CDH12: variants seen among roughly 807,000 people sequenced by gnomAD.
CDH12 encodes the protein cadherin 12, also known as cadherin-12.
In CDH12, 41 loss-of-function variants were observed where a neutral mutation model predicts 74.1. That is an observed-to-expected ratio of 0.55 (90% CI 0.43 to 0.72). CDH12 has a LOEUF of 0.72. Among genes scored for constraint, CDH12 ranks in the 30% least tolerant of loss-of-function variants. CDH12 has a pLI of 0.00. For synonymous variants in CDH12, 399 were observed against 355.0 expected (o/e 1.12, Z -1.39); for missense variants, 945 against 977.2 (o/e 0.97, Z 0.44).
chr5:22,262,197 T>A (rs956411191), intron 3 of CDH12, among the ~76,000 whole-genome samples: 1 of 151,730 alleles, frequency 6.6e-6, no homozygotes, highest in Non-Finnish European at 1.5e-5. Flanking sequence ...ATACATGTGC[T>A]GTACTGGTGC....
chr5:21,958,386 G>A (rs1240562485), intron 6 of CDH12, among the ~76,000 whole-genome samples: 3 of 152,052 alleles, frequency 2.0e-5, no homozygotes, highest in Admixed American at 1.3e-4. Flanking sequence ...AGTACAGGAC[G>A]GTATTGCCTA....
intron 1 of CDH12, among the ~76,000 whole-genome samples, chr5:22,699,591 C>G (rs531717008): frequency 6.6e-6 from 1 of 152,124 alleles, no homozygotes; most frequent in Non-Finnish European, 1.5e-5. Context: ...AGGATCTGGT[C>G]CCAAGAAGGG....
chr5:22,118,709 C>T (rs191302612), intron 4 of CDH12, among the ~76,000 whole-genome samples: 20 of 152,174 alleles, frequency 1.3e-4, no homozygotes, highest in African/African-American at 4.1e-4. Flanking sequence ...TATTGTCTCC[C>T]TCTTTCTCTC....
rs546866041 is a variant in CDH12, at chr5:22,698,265, G to A, written c.-523+154793C>T. On this transcript the variant is annotated intron_variant, in intron 1 of 14. Transcript: ENST00000382254. ...GCCTCCCAAGTAGCTGGGATTACAGGCATGCATCACCACACTTGGCTAATT... is the reference window on the plus strand; with the variant it reads ...GCCTCCCAAGTAGCTGGGATTACAGACATGCATCACCACACTTGGCTAATT... 3.3e-5 allele frequency among the ~76,000 whole-genome samples: 5 copies of A among 150,896 alleles called. No homozygotes were observed. In the Admixed American group the frequency reaches 3.3e-4, roughly 10 times the overall value.
intron 12 of CDH12, among the ~76,000 whole-genome samples, chr5:21,762,548 C>A (rs973953026): frequency 6.6e-6 from 1 of 151,968 alleles, no homozygotes; most frequent in Non-Finnish European, 1.5e-5. Flanking sequence ...TATATTACAT[C>A]CCTGAAAACT....
chr5:22,280,895 C>T (rs1262160412), intron 3 of CDH12, among the ~76,000 whole-genome samples: 1 of 152,218 alleles, frequency 6.6e-6, no homozygotes, highest in East Asian at 1.9e-4. Flanking sequence ...CATCCAGATA[C>T]CAAAGCCTGG....
intron 1 of CDH12, among the ~76,000 whole-genome samples, chr5:22,565,764 T>A (rs1408928621): frequency 6.6e-6 from 1 of 152,214 alleles, no homozygotes; most frequent in South Asian, 2.1e-4. Flanking sequence ...GGAGGGTATT[T>A]CACAGAGTTT....
At chr5:21,768,540 T>A (rs1200579121) in intron 11 of CDH12, among the ~76,000 whole-genome samples, 2 of 151,886 alleles carry the variant, frequency 1.3e-5, no homozygotes, top group Non-Finnish European at 2.9e-5. Flanking sequence ...AAGAACATAG[T>A]TAACAGGTGA....
chr5:21,946,422 C>CT (rs1267234256), intron 6 of CDH12, among the ~76,000 whole-genome samples: 1 of 152,044 alleles, frequency 6.6e-6, no homozygotes, highest in East Asian at 1.9e-4. Flanking sequence ...AGTGACCTAC[C>CT]TGGTTGGATG....
At chr5:22,067,477 G>T (rs1332405475) in intron 5 of CDH12, among the ~76,000 whole-genome samples, 4 of 152,160 alleles carry the variant, frequency 2.6e-5, no homozygotes, top group African/African-American at 9.6e-5. Context: ...CCCATTGACT[G>T]AGTGATGTGA....
intron 6 of CDH12, among the ~76,000 whole-genome samples, chr5:21,960,569 T>C (rs1756311455): frequency 6.6e-6 from 1 of 152,120 alleles, no homozygotes; most frequent in African/African-American, 2.4e-5. Flanking sequence ...GTATCTCTAA[T>C]TTTGGGATTA....
intron 1 of CDH12, among the ~76,000 whole-genome samples, chr5:22,700,225 C>A (rs547887034): frequency 1.6e-4 from 24 of 152,180 alleles, no homozygotes; most frequent in African/African-American, 5.8e-4. Context: ...TAAAACTCTC[C>A]AAGAGATACC....
intron 6 of CDH12, among the ~76,000 whole-genome samples, chr5:21,930,167 G>T (rs1342585914): frequency 6.6e-6 from 1 of 152,180 alleles, no homozygotes; most frequent in Non-Finnish European, 1.5e-5. Flanking sequence ...GCTGGCTTCA[G>T]TGAGCTGTGA....
At chr5:21,803,170 T>C (rs992136708) in intron 9 of CDH12, among the ~76,000 whole-genome samples, 6 of 152,164 alleles carry the variant, frequency 3.9e-5, no homozygotes, top group Non-Finnish European at 5.9e-5. Flanking sequence ...AGCTGTAAAT[T>C]TGGTATTGAA....
intron 1 of CDH12, among the ~76,000 whole-genome samples, chr5:22,743,267 T>G (rs1254372396): frequency 2.9e-5 from 3 of 104,456 alleles, no homozygotes; most frequent in African/African-American, 1.1e-4. Flanking sequence ...AGATTATATA[T>G]ATATATATAT....
At chr5:22,385,313 T>G (rs78379055) in intron 3 of CDH12, among the ~76,000 whole-genome samples, 2 of 152,184 alleles carry the variant, frequency 1.3e-5, no homozygotes, top group Non-Finnish European at 2.9e-5. Context: ...TAGTTATCCA[T>G]ATGATTTTCT....
intron 1 of CDH12, among the ~76,000 whole-genome samples, chr5:22,662,492 A>G (rs1174597348): frequency 6.6e-6 from 1 of 152,146 alleles, no homozygotes; most frequent in African/African-American, 2.4e-5. Flanking sequence ...CACATATGCA[A>G]TGAGTCCCAT....
chr5:22,520,649 A>G (rs142894775), intron 1 of CDH12, among the ~76,000 whole-genome samples: 104 of 152,286 alleles, frequency 6.8e-4, no homozygotes, highest in African/African-American at 2.5e-3. Flanking sequence ...AGCTCAACAC[A>G]TTAAGTCTGT....
At chr5:21,890,826 G>A (rs777678259) in intron 6 of CDH12, among the ~76,000 whole-genome samples, 1 of 152,022 alleles carries the variant, frequency 6.6e-6, no homozygotes, top group African/African-American at 2.4e-5. Context: ...TTTAGGTTGG[G>A]ATAGTAAGTA....
Sources: gnomAD v4.1 joint callset for allele counts (sites outside exome capture counted in the v4.1 genomes callset) on GRCh38, gnomAD v4.1.1 for gene constraint, MANE v1.5 for transcripts, NCBI Gene and HGNC (gene_info 2026-07-23, HGNC 2026-07-21) for gene names.